The following PDPK1 variants were observed in gnomAD, a reference collection of about 807,000 sequenced individuals.
The protein encoded by PDPK1 is 3-phosphoinositide dependent protein kinase 1, also known as 3-phosphoinositide-dependent protein kinase 1.
PDPK1 carries 7 observed loss-of-function variants against 39.8 expected under a neutral mutation model. That is an observed-to-expected ratio of 0.18 (90% CI 0.10 to 0.33). PDPK1 has a LOEUF of 0.33. Ranked by LOEUF, PDPK1 falls within the 10% of genes least tolerant of loss-of-function variation. The pLI is 1.00. For missense variants in PDPK1, 182 were observed against 384.7 expected (o/e 0.47, Z 4.41); for synonymous variants, 118 against 159.1 (o/e 0.74, Z 1.95).
At chr16:2,541,632 T>C (rs558785976) in intron 1 of PDPK1, among the ~76,000 whole-genome samples, 2 of 152,158 alleles carry the variant, frequency 1.3e-5, no homozygotes, top group Non-Finnish European at 2.9e-5. Context: ...TGCGATGACA[T>C]GTGGCCACTG....
At position 2,593,558 on chromosome 16, in the gene PDPK1, C is replaced by T. The variant is rs2067035953; in HGVS notation, c.1344-2235C>T. ...CTCTCCTTCGAGTTGGTATTTTAAA[C>T]CATGCATCTCATCACCTCTTCTGGC... On this transcript the variant is annotated intron_variant, in intron 11 of 13. Coordinates refer to ENST00000342085, the MANE Select transcript of PDPK1 (RefSeq NM_002613.5). This position sits in a 1 kb window ranked among gnomAD's most constrained non-coding sequence, Gnocchi z 4.2. The T allele has an allele frequency of 5.9e-6, 1 of 169,526 alleles. No homozygotes were observed. Among genetic ancestry groups the T allele is most frequent in the African/African-American group, 2.4e-5 (1 of 41,506 alleles). 10.5% of individuals were successfully genotyped at this position (169,526 alleles called of 1,614,324 possible).
In PDPK1 at chr16:2,597,267, G is replaced by A; in HGVS notation, c.1546G>A (p.Val516Ile). 1 of 1,587,104 alleles carries A rather than the reference G, an allele frequency of 6.3e-7. No individual in the cohort carries two copies. The highest frequency in any genetic ancestry group is 8.6e-7 in the Non-Finnish European group (1 of 1,159,286). Residue 516 changes from valine to isoleucine, a missense_variant, in exon 13 of 14, where the codon GTC becomes ATC. By Grantham distance (29) the Val-to-Ile change is conservative. Transcript: ENST00000342085. The surrounding 1 kb of genome is among the most constrained non-coding windows in gnomAD (Gnocchi z 6.3). ...GGCCAAGAATTTTAAAACTTTCTTT[G>A]TCCACACGGTGAGTCTGTTCCCAGG... Reference protein sequence around the residue: ...PEAKNFKTFFVHTPNRTYYLM... With the variant: ...PEAKNFKTFFIHTPNRTYYLM...
Position 2,593,974 on chromosome 16 carries a change from G to T in PDPK1, c.1344-1819G>T, listed in dbSNP as rs767085966. 1 of 152,392 alleles carries T rather than the reference G, an allele frequency of 6.6e-6. No homozygotes were observed. The highest frequency in any genetic ancestry group is 1.5e-5 in the Non-Finnish European group (1 of 68,080). The allele number at this position is 152,392 out of a possible 1,614,324, so 9.4% of individuals were successfully genotyped here. On this transcript the variant is annotated intron_variant, in intron 11 of 13. Coordinates refer to ENST00000342085, the MANE Select transcript of PDPK1 (RefSeq NM_002613.5). The surrounding 1 kb of genome is among the most constrained non-coding windows in gnomAD (Gnocchi z 4.2). Reference sequence around the variant, plus strand: ...TGCGAGAGGAGGGCTGCACTTGCCCGCATGCCACACACTCCTCTTGCTTCA... The same window carrying T: ...TGCGAGAGGAGGGCTGCACTTGCCCTCATGCCACACACTCCTCTTGCTTCA...
rs1424210960 is a variant in PDPK1, at chr16:2,599,750, G to C, written c.*1983G>C. 6.5e-6 allele frequency: 1 copy of C among 152,888 alleles called. No homozygotes were observed. The highest frequency in any genetic ancestry group is 2.7e-5 in the African/African-American group (1 of 36,688). 9.5% of individuals were successfully genotyped at this position (152,888 alleles called of 1,614,324 possible). On this transcript the variant is annotated 3_prime_UTR_variant, in exon 14 of 14. Transcript: ENST00000342085. ...TTTTACCCATCTCAGAACGTCCTGT[G>C]TCTCCATGTAGGAGAGTGGCTCTCT... is the stretch of plus-strand genomic sequence containing the variant.
At position 2,593,462 on chromosome 16, in the gene PDPK1, C is replaced by G. The variant is rs539013282; in HGVS notation, c.1344-2331C>G. The G allele has an allele frequency of 8.7e-6, 2 of 229,342 alleles. No individual in the cohort carries two copies. The highest frequency in any genetic ancestry group is 1.7e-5 in the Non-Finnish European group (2 of 114,682). The allele number at this position is 229,342 out of a possible 1,614,324, so 14.2% of individuals were successfully genotyped here. A position where few individuals can be genotyped will look rare whatever the true frequency, so the allele number is the denominator to read the frequency against. ...CAGCTCAGTGCTGGGCTGCTGTTCT[C>G]GCTCTCAGCCAGGAAGGCGGCCCCT... On this transcript the variant is annotated intron_variant, in intron 11 of 13. Coordinates refer to ENST00000342085, the MANE Select transcript of PDPK1 (RefSeq NM_002613.5). This position sits in a 1 kb window ranked among gnomAD's most constrained non-coding sequence, Gnocchi z 4.2.
In PDPK1 at chr16:2,586,740, T is replaced by G. The variant is rs776800040; in HGVS notation, c.1190T>G (p.Leu397Arg). 12 of 1,614,132 alleles carry G rather than the reference T, an allele frequency of 7.4e-6. No individual in the cohort carries two copies. In the African/African-American group the frequency reaches 1.6e-4, roughly 22 times the overall value. Residue 397 changes from leucine to arginine, a missense_variant, in exon 11 of 14, where the codon CTG becomes CGG. By Grantham distance (102) the Leu-to-Arg change is moderately radical. This residue lies in a region of PDPK1 where 90 missense variants were observed against 111.9 expected (regional missense o/e 0.80). Coordinates refer to ENST00000342085, the MANE Select transcript of PDPK1 (RefSeq NM_002613.5). ...TCTTCGTCCTCCTCCTCACACTCCCTGTCAGCCTCCGACACGGGCCTGCCC... is the reference window on the plus strand; with the variant it reads ...TCTTCGTCCTCCTCCTCACACTCCCGGTCAGCCTCCGACACGGGCCTGCCC... The part of the protein sequence containing the change: ...QVSSSSSSHS[L>R]SASDTGLPQR...
intron 11 of PDPK1, among the ~76,000 whole-genome samples, chr16:2,589,696 G>GAAAA (rs530064221): frequency 1.3e-5 from 1 of 74,626 alleles, no homozygotes. Flanking sequence ...CTCAAAATTG[G>GAAAA]AAAAAAAAAA....
At position 2,598,970 on chromosome 16, in the gene PDPK1, T is replaced by C; in HGVS notation, c.*1203T>C. 1 of 233,340 alleles carries C rather than the reference T, an allele frequency of 4.3e-6. No homozygotes were observed. The highest frequency in any genetic ancestry group is 6.0e-5 in the East Asian group (1 of 16,596). The allele number at this position is 233,340 out of a possible 1,614,324, so 14.5% of individuals were successfully genotyped here. A position where few individuals can be genotyped will look rare whatever the true frequency, so the allele number is the denominator to read the frequency against. On this transcript the variant is annotated 3_prime_UTR_variant, in exon 14 of 14. Coordinates refer to ENST00000342085, the MANE Select transcript of PDPK1 (RefSeq NM_002613.5). ...CCATAGAGTGGGCTTTGCCAGTTGC[T>C]GTTGCACAGGAGGCGAGAACAGCAC...
At chr16:2,577,217 G>C in intron 6 of PDPK1, 3 of 627,368 alleles carry the variant, frequency 4.8e-6, no homozygotes, top group Non-Finnish European at 8.7e-6. Flanking sequence ...GTCCAGGCGC[G>C]TGTCGGGTGG....
chr16:2,580,056 T>C (rs2141986080), intron 7 of PDPK1: 1 of 150,148 alleles, frequency 6.7e-6, no homozygotes, highest in South Asian at 2.2e-4. Context: ...TATATGTCTT[T>C]CCAGTCATTC....
chr16:2,588,812 GT>G (rs1385274351), intron 11 of PDPK1, among the ~76,000 whole-genome samples: 1 of 151,828 alleles, frequency 6.6e-6, no homozygotes, highest in Non-Finnish European at 1.5e-5. Context: ...GGTCAGGGCA[GT>G]TTTTTTTGTA....
chr16:2,588,772 A>C (rs1473332250), intron 11 of PDPK1, among the ~76,000 whole-genome samples: 1 of 151,910 alleles, frequency 6.6e-6, no homozygotes, highest in African/African-American at 2.4e-5. Context: ...AGTGGTTTGC[A>C]TTCTCAGTGT....
chr16:2,543,888 A>AT (rs11422907), intron 1 of PDPK1, among the ~76,000 whole-genome samples: 122,222 of 134,850 alleles, frequency 0.91, 56,261 homozygotes, highest in South Asian at 0.98. Context: ...CACCCGGCTA[A>AT]TTTTTTTTTT....
Position 2,595,844 on chromosome 16 carries a change from G to C in PDPK1, c.1395G>C (p.Lys465Asn). ...NLILKMGPVD[K>N]RKGLFARRRQ... ...TACTAAAGATGGGCCCAGTGGATAA[G>C]CGGAAGGTGAGTGGTCAGTGGTCCC... Residue 465 changes from lysine to asparagine, a missense_variant, in exon 12 of 14, where the codon AAG (lysine) becomes AAC (asparagine). Lys to Asn is a moderately conservative substitution (Grantham distance 94). This residue lies in a region of PDPK1 where 90 missense variants were observed against 111.9 expected (regional missense o/e 0.80). Transcript: ENST00000342085. 1 of 1,613,224 alleles carries C rather than the reference G, an allele frequency of 6.2e-7. No homozygotes were observed. The highest frequency in any genetic ancestry group is 8.5e-7 in the Non-Finnish European group (1 of 1,179,144).
At chr16:2,551,425 T>C (rs1412460846) in intron 1 of PDPK1, among the ~76,000 whole-genome samples, 411 of 150,392 alleles carry the variant, frequency 2.7e-3, no homozygotes, top group African/African-American at 9.5e-3. Context: ...GCTAGGTGGA[T>C]TGTGGCAGCC....
In PDPK1 at chr16:2,586,728, C is replaced by T; in HGVS notation, c.1178C>T (p.Ser393Phe). 2 of 1,614,260 alleles carry T rather than the reference C, an allele frequency of 1.2e-6. No individual in the cohort carries two copies. The highest frequency in any genetic ancestry group is 1.1e-5 in the South Asian group (1 of 91,084). Reference protein sequence around the residue: ...FGCMQVSSSSSSHSLSASDTG... With the variant: ...FGCMQVSSSSFSHSLSASDTG... ...TGCATGCAGGTGTCTTCGTCCTCCT[C>T]CTCACACTCCCTGTCAGCCTCCGAC... The change falls in exon 11 of 14, where the codon TCC becomes TTC. Residue 393 changes from serine (S) to phenylalanine (F), a missense_variant. Ser to Phe is a radical substitution (Grantham distance 155, BLOSUM62 -2). Coordinates refer to ENST00000342085, the MANE Select transcript of PDPK1 (RefSeq NM_002613.5).
At position 2,586,830 on chromosome 16, in the gene PDPK1, A is replaced by T. The variant is rs552355299; in HGVS notation, c.1280A>T (p.Asp427Val). 2 of 1,614,252 alleles carry T rather than the reference A, an allele frequency of 1.2e-6. No individual in the cohort carries two copies. Among genetic ancestry groups the T allele is most frequent in the Admixed American group, 1.7e-5 (1 of 60,036 alleles). Residue 427 changes from aspartate (D) to valine (V), a missense_variant, in exon 11 of 14, where the codon GAC becomes GTC. By Grantham distance (152) the Asp-to-Val change is radical. Around this residue, in one of 5 missense-constraint regions of PDPK1, gnomAD observed 90 missense variants for 111.9 expected, o/e 0.80. Coordinates refer to ENST00000342085, the MANE Select transcript of PDPK1 (RefSeq NM_002613.5). The part of the protein sequence containing the change: ...HDLDSNSFEL[D>V]LQFSEDEKRL... ...CTGGACTCGAACTCCTTTGAACTGG[A>T]CTTACAGTTTTCCGAAGATGAGAAG...
chr16:2,598,811 G>A lies in PDPK1; in HGVS notation c.*1044G>A, dbSNP rs1015745350. Reference sequence around the variant, plus strand: ...GGTGCTTCTGTCTCCTGCAGACCACGCCAGGGAGTGCAGACACCACCGTCA... The same window carrying A: ...GGTGCTTCTGTCTCCTGCAGACCACACCAGGGAGTGCAGACACCACCGTCA... On this transcript the variant is annotated 3_prime_UTR_variant, in exon 14 of 14. Transcript: ENST00000342085. 3.0e-5 allele frequency: 7 copies of A among 233,172 alleles called. No individual in the cohort carries two copies. Among genetic ancestry groups the A allele is most frequent in the Admixed American group, 1.1e-4 (2 of 17,780 alleles). The allele number at this position is 233,172 out of a possible 1,614,324, so 14.4% of individuals were successfully genotyped here.
In PDPK1 at chr16:2,602,774, A is replaced by C; in HGVS notation, c.*5007A>C. The stretch of plus-strand genomic sequence containing the variant: ...TAGCTGTAACTGTGATGTACAGACA[A>C]AGCAAAAATTAAAAGAACTTATGAA... On this transcript the variant is annotated 3_prime_UTR_variant, in exon 14 of 14. Transcript: ENST00000342085. 4.3e-6 allele frequency: 1 copy of C among 234,638 alleles called. No homozygotes were observed. Among genetic ancestry groups the C allele is most frequent in the Admixed American group, 5.6e-5 (1 of 17,798 alleles). The allele number at this position is 234,638 out of a possible 1,614,324, so 14.5% of individuals were successfully genotyped here. A position where few individuals can be genotyped will look rare whatever the true frequency, so the allele number is the denominator to read the frequency against.
Sources: allele counts gnomAD v4.1 joint callset (sites outside exome capture counted in the v4.1 genomes callset), GRCh38; gene constraint gnomAD v4.1.1; regional missense constraint gnomAD v4.1.1; non-coding constraint Gnocchi (gnomAD v3.1); transcripts MANE v1.5; gene names NCBI Gene and HGNC (gene_info 2026-07-23, HGNC 2026-07-21).